METTL24: variants seen among roughly 807,000 people sequenced by gnomAD.
METTL24 encodes probable methyltransferase-like protein 24.
A neutral mutation model predicts 32.7 loss-of-function variants in METTL24; 29 were observed. The observed-to-expected ratio is 0.89, with a 90% CI of 0.66 to 1.21. The LOEUF (loss-of-function observed/expected upper bound fraction) is 1.21. Among genes scored for constraint, METTL24 ranks in the 50% most tolerant of loss-of-function variants. The probability of loss-of-function intolerance (pLI) is 0.00; values close to 1 mark genes in which losing one functional copy is unlikely to be tolerated. For missense variants in METTL24, 439 were observed against 468.1 expected, an observed-to-expected ratio of 0.94 and a Z score of 0.57; for synonymous variants, 163 against 179.5, an observed-to-expected ratio of 0.91 and a Z score of 0.73.
chr6:110,261,230 G>A (rs148728092), intron 4 of METTL24, among the ~76,000 whole-genome samples: 4,943 of 152,206 alleles, frequency 0.032, 136 homozygotes, highest in East Asian at 0.13. Flanking sequence ...CCCATCTCTC[G>A]TGCAGAGACA....
chr6:110,315,735 G>A (rs1345250752), intron 2 of METTL24, among the ~76,000 whole-genome samples: 1 of 152,202 alleles, frequency 6.6e-6, no homozygotes, highest in Non-Finnish European at 1.5e-5. Flanking sequence ...CTGTAGCCAT[G>A]TGCACAGGGT....
intron 1 of METTL24, among the ~76,000 whole-genome samples, chr6:110,332,871 T>G (rs1406885969): frequency 6.7e-6 from 1 of 149,508 alleles, no homozygotes; most frequent in Non-Finnish European, 1.5e-5. Flanking sequence ...GTTGCAACAC[T>G]GCACTCTAGC....
intron 4 of METTL24, among the ~76,000 whole-genome samples, chr6:110,271,170 T>C (rs1770952322): frequency 6.6e-6 from 1 of 152,170 alleles, no homozygotes; most frequent in Admixed American, 6.5e-5. Flanking sequence ...ATCTTGGTTC[T>C]TTTGAAGTGC....
At chr6:110,292,051 G>A (rs1386102051) in intron 4 of METTL24, among the ~76,000 whole-genome samples, 1 of 152,134 alleles carries the variant, frequency 6.6e-6, no homozygotes, top group Non-Finnish European at 1.5e-5. Flanking sequence ...TTCCACATCA[G>A]TACATAAAAA....
At chr6:110,289,138 G>A (rs913301354) in intron 4 of METTL24, among the ~76,000 whole-genome samples, 4 of 152,102 alleles carry the variant, frequency 2.6e-5, no homozygotes, top group Admixed American at 6.6e-5. Flanking sequence ...AGAAGGGCAA[G>A]CCAAAAAGAA....
intron 4 of METTL24, among the ~76,000 whole-genome samples, chr6:110,296,597 T>A (rs368306651): frequency 6.6e-6 from 1 of 152,226 alleles, no homozygotes; most frequent in Non-Finnish European, 1.5e-5. Flanking sequence ...TTTTTGCCCA[T>A]ATTTTTTCTT....
chr6:110,273,579 T>C (rs1770993478), intron 4 of METTL24, among the ~76,000 whole-genome samples: 1 of 150,854 alleles, frequency 6.6e-6, no homozygotes. Flanking sequence ...AATAGACAAT[T>C]CTCAAAAGAA....
intron 2 of METTL24, among the ~76,000 whole-genome samples, chr6:110,317,123 A>G (rs1771834912): frequency 6.6e-6 from 1 of 152,200 alleles, no homozygotes; most frequent in Non-Finnish European, 1.5e-5. Context: ...TGGACATCTC[A>G]GAGGAAAGCT....
At chr6:110,351,295 G>A (rs142431542) in intron 1 of METTL24, among the ~76,000 whole-genome samples, 429 of 152,222 alleles carry the variant, frequency 2.8e-3, no homozygotes, top group Non-Finnish European at 4.4e-3. Context: ...TCTTGTAGGC[G>A]TATATTCACT....
chr6:110,299,210 T>C, intron 3 of METTL24, 60 bp from the exon 4 acceptor site: 1 of 1,479,914 alleles, frequency 6.8e-7, no homozygotes, highest in African/African-American at 1.4e-5. Context: ...AGTGTTGGAC[T>C]AACAAGATGA....
At chr6:110,271,678 T>G (rs567755280) in intron 4 of METTL24, among the ~76,000 whole-genome samples, 1 of 152,300 alleles carries the variant, frequency 6.6e-6, no homozygotes, top group South Asian at 2.1e-4. Context: ...TCTAAAAAAG[T>G]CAATTTTCAG....
chr6:110,325,261 G>A (rs1010508719), intron 1 of METTL24, among the ~76,000 whole-genome samples: 1 of 152,190 alleles, frequency 6.6e-6, no homozygotes, highest in Admixed American at 6.5e-5. Flanking sequence ...CTCAAAATCA[G>A]GAGTTGGAAA....
chr6:110,250,976 C>T (rs549570138), intron 4 of METTL24, among the ~76,000 whole-genome samples: 192 of 152,332 alleles, frequency 1.3e-3, no homozygotes, highest in Non-Finnish European at 1.7e-3. Context: ...AGAGGGCTCT[C>T]AAGCAAAACA....
intron 4 of METTL24, among the ~76,000 whole-genome samples, chr6:110,250,658 G>C (rs1778260829): frequency 6.7e-6 from 1 of 148,896 alleles, no homozygotes; most frequent in Non-Finnish European, 1.5e-5. Flanking sequence ...AGATCCAAGG[G>C]CCAGCAACCA....
At chr6:110,278,415 T>C (rs1771083048) in intron 4 of METTL24, among the ~76,000 whole-genome samples, 1 of 152,226 alleles carries the variant, frequency 6.6e-6, no homozygotes, top group Non-Finnish European at 1.5e-5. Flanking sequence ...ATGGCTATAG[T>C]GGTGATAATC....
chr6:110,279,133 C>A (rs568934116), intron 4 of METTL24, among the ~76,000 whole-genome samples: 1 of 152,316 alleles, frequency 6.6e-6, no homozygotes, highest in South Asian at 2.1e-4. Context: ...AAAACTAGTT[C>A]ATCTCAATGC....
At chr6:110,349,604 A>G (rs1471480826) in intron 1 of METTL24, among the ~76,000 whole-genome samples, 1 of 152,220 alleles carries the variant, frequency 6.6e-6, no homozygotes, top group Non-Finnish European at 1.5e-5. Context: ...TGATCTAGTA[A>G]TAAGTTAGCA....
At chr6:110,249,496 G>A (rs1778234317) in intron 4 of METTL24, among the ~76,000 whole-genome samples, 1 of 151,924 alleles carries the variant, frequency 6.6e-6, no homozygotes, top group Non-Finnish European at 1.5e-5. Context: ...AAAAGGCTGT[G>A]AATAAAACAT....
At chr6:110,287,229 A>G (rs1771238691) in intron 4 of METTL24, among the ~76,000 whole-genome samples, 1 of 152,216 alleles carries the variant, frequency 6.6e-6, no homozygotes, top group African/African-American at 2.4e-5. Context: ...AACAAAAACA[A>G]AAACAACAAA....
Sources: gnomAD v4.1 joint callset for allele counts (sites outside exome capture counted in the v4.1 genomes callset) on GRCh38, gnomAD v4.1.1 for gene constraint, MANE v1.5 for transcripts, NCBI Gene and HGNC (gene_info 2026-07-23, HGNC 2026-07-21) for gene names.